The following SYT9 variants were observed in gnomAD, a reference collection of about 807,000 sequenced individuals.
The protein encoded by SYT9 is synaptotagmin-9.
A neutral mutation model predicts 48.4 loss-of-function variants in SYT9; 22 were observed. The observed-to-expected ratio is 0.45, with a 90% CI of 0.32 to 0.65. The LOEUF (loss-of-function observed/expected upper bound fraction) is 0.65, where lower values mean the gene tolerates loss of function less well. Among genes scored for constraint, SYT9 ranks in the 30% least tolerant of loss-of-function variants. The probability of loss-of-function intolerance (pLI) is 0.03; values close to 1 mark genes in which losing one functional copy is unlikely to be tolerated. For synonymous variants in SYT9, 265 were observed against 245.0 expected (o/e 1.08, Z -0.76); for missense variants, 577 against 622.0 (o/e 0.93, Z 0.77).
intron 1 of SYT9, among the ~76,000 whole-genome samples, chr11:7,290,754 A>G (rs1051714667): frequency 6.6e-6 from 1 of 152,186 alleles, no homozygotes; most frequent in Non-Finnish European, 1.5e-5. Context: ...TTCTCACACA[A>G]TTTGAGAATA....
intron 1 of SYT9, among the ~76,000 whole-genome samples, chr11:7,262,757 G>C (rs1848103108): frequency 6.6e-6 from 1 of 152,102 alleles, no homozygotes; most frequent in Admixed American, 6.6e-5. Flanking sequence ...AAGCATTTTT[G>C]ATAGAGAGGT....
chr11:7,364,302 C>G (rs1411493517), intron 3 of SYT9, among the ~76,000 whole-genome samples: 1 of 152,112 alleles, frequency 6.6e-6, no homozygotes, highest in Non-Finnish European at 1.5e-5. Context: ...TTTTTGTTTT[C>G]TACATGAAGT....
intron 1 of SYT9, among the ~76,000 whole-genome samples, chr11:7,285,750 C>T (rs2133910051): frequency 6.6e-6 from 1 of 152,312 alleles, no homozygotes; most frequent in Non-Finnish European, 1.5e-5. Context: ...GGGGTCCAGG[C>T]ATTGGGAAAA....
intron 1 of SYT9, among the ~76,000 whole-genome samples, chr11:7,284,999 A>G (rs993461824): frequency 6.6e-6 from 1 of 152,114 alleles, no homozygotes; most frequent in African/African-American, 2.4e-5. Context: ...CTATCACCTA[A>G]CTATGGAGTT....
chr11:7,353,246 G>A (rs1425813914), intron 3 of SYT9, among the ~76,000 whole-genome samples: 2 of 151,934 alleles, frequency 1.3e-5, no homozygotes, highest in African/African-American at 2.4e-5. Flanking sequence ...CCTAGCTCTG[G>A]TGTCCTCCCC....
intron 3 of SYT9, among the ~76,000 whole-genome samples, chr11:7,404,724 C>T (rs145745912): frequency 1.4e-3 from 206 of 152,154 alleles, no homozygotes; most frequent in African/African-American, 2.0e-3. Context: ...CAACAGTGGA[C>T]AAGGGCATGA....
intron 6 of SYT9, among the ~76,000 whole-genome samples, chr11:7,426,483 C>T (rs1253331355): frequency 1.3e-5 from 2 of 152,120 alleles, no homozygotes; most frequent in Admixed American, 1.3e-4. Flanking sequence ...TTCTAACAAC[C>T]AATACTCTCA....
chr11:7,270,963 A>T (rs992726528), intron 1 of SYT9, among the ~76,000 whole-genome samples: 2 of 152,152 alleles, frequency 1.3e-5, no homozygotes, highest in South Asian at 4.1e-4. Context: ...ACGAAGGAAG[A>T]CTGCAAAGGG....
At chr11:7,305,053 A>G (rs1007913611) in intron 2 of SYT9, among the ~76,000 whole-genome samples, 3 of 152,202 alleles carry the variant, frequency 2.0e-5, no homozygotes, top group Admixed American at 6.5e-5. Flanking sequence ...AATTATCACA[A>G]TATTTATACT....
intron 6 of SYT9, among the ~76,000 whole-genome samples, chr11:7,453,617 C>T (rs1218972165): frequency 6.6e-6 from 1 of 152,218 alleles, no homozygotes. Context: ...CAAGATGTGA[C>T]AGCAGTGATG....
At chr11:7,362,547 C>T (rs1850161855) in intron 3 of SYT9, among the ~76,000 whole-genome samples, 1 of 152,066 alleles carries the variant, frequency 6.6e-6, no homozygotes, top group African/African-American at 2.4e-5. Flanking sequence ...TGCCCCAAAC[C>T]CAATTGAAAT....
At chr11:7,338,426 T>C (rs1849663509) in intron 3 of SYT9, among the ~76,000 whole-genome samples, 4 of 152,336 alleles carry the variant, frequency 2.6e-5, no homozygotes, top group African/African-American at 9.6e-5. Flanking sequence ...TATAGTTCTT[T>C]TAGTTGTGAT....
rs1372176510 is a variant in SYT9, at chr11:7,412,525, CTGGG to C, written c.1045-3516_1045-3513del. On this transcript the variant is annotated intron_variant, in intron 3 of 6. Transcript: ENST00000318881. The stretch of plus-strand genomic sequence containing the variant: ...TTAGTGGAGGCTGTGGTAAAGTTTT[CTGGG>C]AACTAGGTTATTAGGTAGGCCAGTG... 2.0e-5 allele frequency among the ~76,000 whole-genome samples: 3 copies of C among 152,094 alleles called. No homozygotes were observed. The South Asian group carries it at 6.2e-4, about 32-fold the overall frequency.
chr11:7,384,492 A>G (rs528658093), intron 3 of SYT9, among the ~76,000 whole-genome samples: 3 of 152,248 alleles, frequency 2.0e-5, no homozygotes, highest in Non-Finnish European at 2.9e-5. Context: ...ACTCTTCTCT[A>G]TCACTTCTTC....
chr11:7,300,732 G>A (rs1360692738), intron 1 of SYT9, among the ~76,000 whole-genome samples: 1 of 152,162 alleles, frequency 6.6e-6, no homozygotes, highest in Non-Finnish European at 1.5e-5. Context: ...GGGGATTGAT[G>A]TTTGCAGCCT....
chr11:7,422,377 A>G (rs1226412290), intron 6 of SYT9, among the ~76,000 whole-genome samples: 1 of 152,186 alleles, frequency 6.6e-6, no homozygotes, highest in Non-Finnish European at 1.5e-5. Context: ...CCCGTGGGCC[A>G]TAGGAGCAAA....
chr11:7,279,414 C>T (rs1428492663), intron 1 of SYT9, among the ~76,000 whole-genome samples: 2 of 152,158 alleles, frequency 1.3e-5, no homozygotes, highest in Middle Eastern at 3.4e-3. Flanking sequence ...GAAGCTCATG[C>T]CAGAGAAGCA....
At chr11:7,317,137 A>G (rs1017624900) in intron 3 of SYT9, among the ~76,000 whole-genome samples, 2 of 152,190 alleles carry the variant, frequency 1.3e-5, no homozygotes, top group African/African-American at 4.8e-5. Context: ...TCTGTTGTAA[A>G]TTAGCGCATT....
chr11:7,447,656 C>G (rs1404399089), intron 6 of SYT9, among the ~76,000 whole-genome samples: 3 of 152,190 alleles, frequency 2.0e-5, no homozygotes, highest in Non-Finnish European at 4.4e-5. Context: ...TACTGTATCT[C>G]ATTCATCTCT....
Sources: gnomAD v4.1 joint callset for allele counts (sites outside exome capture counted in the v4.1 genomes callset) on GRCh38, gnomAD v4.1.1 for gene constraint, MANE v1.5 for transcripts, NCBI Gene and HGNC (gene_info 2026-07-23, HGNC 2026-07-21) for gene names.